The following ANKRD17 variants were observed in gnomAD, a reference collection of about 807,000 sequenced individuals.
ANKRD17 encodes the protein ankyrin repeat domain 17, also known as ankyrin repeat domain-containing protein 17.
In ANKRD17, 19 loss-of-function variants were observed where a neutral mutation model predicts 229.7. The ratio of observed to expected loss-of-function variants is 0.08; its 90% CI spans 0.06 to 0.12. The LOEUF (loss-of-function observed/expected upper bound fraction) is 0.12, where lower values mean the gene tolerates loss of function less well. Ranked by LOEUF, ANKRD17 falls within the 10% of genes least tolerant of loss-of-function variation. ANKRD17 has a pLI of 1.00. For missense variants in ANKRD17, 2,176 were observed against 3,176.8 expected, an observed-to-expected ratio of 0.68 and a Z score of 7.57; for synonymous variants, 1,112 against 1,146.1, an observed-to-expected ratio of 0.97 and a Z score of 0.60.
At chr4:73,204,038 A>G (rs2149120690) in intron 1 of ANKRD17, among the ~76,000 whole-genome samples, 1 of 152,224 alleles carries the variant, frequency 6.6e-6, no homozygotes, top group South Asian at 2.1e-4. Flanking sequence ...CAGAAATCAC[A>G]TGAAAAAGAC....
At chr4:73,241,642 C>A (rs1744052470) in intron 1 of ANKRD17, among the ~76,000 whole-genome samples, 1 of 151,516 alleles carries the variant, frequency 6.6e-6, no homozygotes, top group Admixed American at 6.6e-5. Flanking sequence ...ACATATAAGA[C>A]TAAAAGGAAA....
At chr4:73,204,373 A>AG (rs2149123056) in intron 1 of ANKRD17, among the ~76,000 whole-genome samples, 1 of 150,922 alleles carries the variant, frequency 6.6e-6, no homozygotes, top group South Asian at 2.1e-4. Context: ...AAAAAAAAAA[A>AG]AAAAAAGAAA....
chr4:73,120,833 A>C, intron 20 of ANKRD17, 48 bp downstream of exon 20: 1 of 1,539,160 alleles, frequency 6.5e-7, no homozygotes, highest in Middle Eastern at 1.7e-4. Context: ...TATATATCTT[A>C]AATATCAAAG....
At chr4:73,220,194 G>A (rs906010648) in intron 1 of ANKRD17, among the ~76,000 whole-genome samples, 3 of 152,084 alleles carry the variant, frequency 2.0e-5, no homozygotes, top group African/African-American at 7.2e-5. Flanking sequence ...TTATAATCAT[G>A]TCTCAGGAAA....
chr4:73,161,061 A>AT (rs1403011427), intron 3 of ANKRD17, 131 bp downstream of exon 3: 1 of 1,161,286 alleles, frequency 8.6e-7, no homozygotes, highest in Non-Finnish European at 1.2e-6. Context: ...GTGAATCTAA[A>AT]TAAGACATCA....
chr4:73,099,121 G>A (rs567340924), intron 25 of ANKRD17: 4 of 735,030 alleles, frequency 5.4e-6, no homozygotes, highest in Admixed American at 3.9e-5. Context: ...GCATCTGGCA[G>A]GAGTCCTCAG....
At chr4:73,194,531 C>G (rs1737572429) in intron 1 of ANKRD17, among the ~76,000 whole-genome samples, 1 of 151,914 alleles carries the variant, frequency 6.6e-6, no homozygotes, top group Non-Finnish European at 1.5e-5. Context: ...AGGGCCTTTT[C>G]TATATAGATA....
chr4:73,151,834 T>C (rs1234527940), intron 6 of ANKRD17, among the ~76,000 whole-genome samples: 2 of 152,160 alleles, frequency 1.3e-5, no homozygotes, highest in Admixed American at 6.5e-5. Context: ...GCATGTTATA[T>C]AGTTATGTTA....
chr4:73,142,838 A>G, intron 11 of ANKRD17, 71 bp from the exon 12 acceptor site: 3 of 1,502,272 alleles, frequency 2.0e-6, no homozygotes, highest in South Asian at 1.3e-5. Flanking sequence ...AAATTTAAAA[A>G]TCATGAAGAG....
chr4:73,202,210 C>T (rs1738757257), intron 1 of ANKRD17, among the ~76,000 whole-genome samples: 1 of 149,342 alleles, frequency 6.7e-6, no homozygotes, highest in African/African-American at 2.5e-5. Flanking sequence ...AATGAACAGG[C>T]ATAAAAGAGT....
intron 1 of ANKRD17, among the ~76,000 whole-genome samples, chr4:73,231,385 T>A (rs1436164772): frequency 6.6e-6 from 1 of 152,170 alleles, no homozygotes; most frequent in African/African-American, 2.4e-5. Context: ...GGTTCCTTAA[T>A]GGTCTGGGGT....
At chr4:73,089,433 T>C (rs1722546558) in intron 29 of ANKRD17, among the ~76,000 whole-genome samples, 1 of 152,192 alleles carries the variant, frequency 6.6e-6, no homozygotes, top group East Asian at 1.9e-4. Context: ...GTCCATCTCT[T>C]ACGTGGACTA....
chr4:73,125,487 C>A lies in ANKRD17; in HGVS notation c.3235-175G>T, dbSNP rs530901915. On this transcript the variant is annotated intron_variant, in intron 16 of 33. Coordinates refer to ENST00000358602, the MANE Select transcript of ANKRD17 (RefSeq NM_032217.5). ...TGGTGGCTCACGCCTGTAATCCCAG[C>A]ACTTTGAGAGGCCGAGGTGGGCAGA... Among the ~76,000 whole-genome samples the A allele has an allele frequency of 1.3e-4, 20 of 152,218 alleles. No individual in the cohort carries two copies. In the East Asian group the frequency reaches 3.7e-3, roughly 28 times the overall value.
chr4:73,171,605 T>C (rs1458009864), intron 2 of ANKRD17, among the ~76,000 whole-genome samples: 13 of 152,156 alleles, frequency 8.5e-5, no homozygotes, highest in Non-Finnish European at 1.3e-4. Flanking sequence ...GAAACACAGA[T>C]ATGTGACCTT....
intron 24 of ANKRD17, among the ~76,000 whole-genome samples, chr4:73,109,412 C>T (rs1725032858): frequency 6.6e-6 from 1 of 151,770 alleles, no homozygotes; most frequent in African/African-American, 2.4e-5. Context: ...TTGATGCTTC[C>T]ATTTTCTCAT....
chr4:73,212,571 T>C (rs775270592), intron 1 of ANKRD17, among the ~76,000 whole-genome samples: 7 of 150,910 alleles, frequency 4.6e-5, no homozygotes, highest in Non-Finnish European at 1.0e-4. Flanking sequence ...TAAAAAATAA[T>C]AGAACAGAGA....
chr4:73,144,494 A>G (rs1454325156), intron 11 of ANKRD17, among the ~76,000 whole-genome samples: 1 of 152,236 alleles, frequency 6.6e-6, no homozygotes, highest in Non-Finnish European at 1.5e-5. Context: ...CAGTTTTTAC[A>G]CAGAGAAATT....
At chr4:73,169,385 A>G (rs1362375234) in intron 2 of ANKRD17, among the ~76,000 whole-genome samples, 2 of 151,984 alleles carry the variant, frequency 1.3e-5, no homozygotes, top group Admixed American at 1.3e-4. Flanking sequence ...TATCAGACAG[A>G]TTTCTAAGGT....
intron 1 of ANKRD17, among the ~76,000 whole-genome samples, chr4:73,252,680 AT>A (rs369323509): frequency 3.1e-4 from 46 of 150,108 alleles, no homozygotes; most frequent in Middle Eastern, 3.4e-3. Flanking sequence ...TAAAAGAAAC[AT>A]TTTTTTTTTC....
Sources: allele counts gnomAD v4.1 joint callset (sites outside exome capture counted in the v4.1 genomes callset), GRCh38; gene constraint gnomAD v4.1.1; transcripts MANE v1.5; gene names NCBI Gene and HGNC (gene_info 2026-07-23, HGNC 2026-07-21).